Variants in JAZF1 observed in about 807,000 individuals in gnomAD.
The protein encoded by JAZF1 is JAZF zinc finger 1, also known as juxtaposed with another zinc finger protein 1.
A neutral mutation model predicts 26.4 loss-of-function variants in JAZF1; 8 were observed. The ratio of observed to expected loss-of-function variants is 0.30; its 90% CI spans 0.18 to 0.55. The LOEUF (loss-of-function observed/expected upper bound fraction) is 0.55, where lower values mean the gene tolerates loss of function less well. JAZF1 is among the 20% of genes least tolerant of loss of function. JAZF1 has a pLI of 0.94. For missense variants in JAZF1, 199 were observed against 322.0 expected (o/e 0.62, Z 2.92); for synonymous variants, 126 against 122.3 (o/e 1.03, Z -0.20).
At chr7:27,858,992 C>T (rs1783326091) in intron 3 of JAZF1, among the ~76,000 whole-genome samples, 1 of 151,956 alleles carries the variant, frequency 6.6e-6, no homozygotes, top group African/African-American at 2.4e-5. Flanking sequence ...TGACAAAGGG[C>T]TAATATCCAG....
At chr7:28,162,339 G>A (rs374641342) in intron 1 of JAZF1, among the ~76,000 whole-genome samples, 2 of 152,218 alleles carry the variant, frequency 1.3e-5, no homozygotes, top group African/African-American at 2.4e-5. Context: ...TATTGTATGT[G>A]TACTCCTCCA....
At chr7:27,852,193 G>A (rs1225882183) in intron 3 of JAZF1, among the ~76,000 whole-genome samples, 2 of 151,410 alleles carry the variant, frequency 1.3e-5, no homozygotes, top group Admixed American at 1.3e-4. Context: ...GTGCAGTGGA[G>A]CGATCTGAGC....
rs539416314 is a variant in JAZF1, at chr7:27,835,206, T to C, written c.556-2230A>G. On this transcript the variant is annotated intron_variant, in intron 4 of 4. Coordinates refer to ENST00000283928, the MANE Select transcript of JAZF1 (RefSeq NM_175061.4). ...GAGGAAACCAAAAATAGAAAAGCAT[T>C]AACCAAGAAACAAAAAGGCACAGCA... is the stretch of plus-strand genomic sequence containing the variant. Among the ~76,000 whole-genome samples the C allele has an allele frequency of 2.6e-5, 4 of 152,146 alleles. No individual in the cohort carries two copies. In the South Asian group the frequency reaches 6.2e-4, roughly 24 times the overall value.
intron 2 of JAZF1, among the ~76,000 whole-genome samples, chr7:27,928,557 G>C (rs1391639810): frequency 6.6e-6 from 1 of 152,072 alleles, no homozygotes; most frequent in East Asian, 1.9e-4. Context: ...TCTTTGTTTT[G>C]TTCTTTGCTA....
intron 3 of JAZF1, among the ~76,000 whole-genome samples, chr7:27,889,795 T>C (rs551116861): frequency 1.2e-4 from 18 of 152,068 alleles, no homozygotes; most frequent in African/African-American, 4.1e-4. Flanking sequence ...AGCTGGGTGG[T>C]GTTGATGCGC....
At chr7:28,176,353 G>A (rs903813453) in intron 1 of JAZF1, among the ~76,000 whole-genome samples, 6 of 152,202 alleles carry the variant, frequency 3.9e-5, no homozygotes, top group South Asian at 2.1e-4. Context: ...AGTGCTGCAG[G>A]CCTGCCTTGG....
chr7:27,961,166 G>A (rs941194823), intron 2 of JAZF1, among the ~76,000 whole-genome samples: 4 of 152,156 alleles, frequency 2.6e-5, no homozygotes, highest in South Asian at 2.1e-4. Flanking sequence ...TATAACAGTC[G>A]TTAGGGTAGC....
At chr7:27,899,571 A>T (rs1189950610) in intron 2 of JAZF1, among the ~76,000 whole-genome samples, 8 of 152,030 alleles carry the variant, frequency 5.3e-5, no homozygotes, top group South Asian at 2.1e-4. Context: ...AGTAGCTGAG[A>T]CTACAGGCAC....
At chr7:28,055,558 A>C (rs939091326) in intron 1 of JAZF1, among the ~76,000 whole-genome samples, 3 of 152,184 alleles carry the variant, frequency 2.0e-5, no homozygotes, top group African/African-American at 4.8e-5. Context: ...CTCCAAATGA[A>C]TACTCTAATA....
At chr7:27,871,771 G>A (rs1034953271) in intron 3 of JAZF1, among the ~76,000 whole-genome samples, 1 of 152,174 alleles carries the variant, frequency 6.6e-6, no homozygotes, top group African/African-American at 2.4e-5. Flanking sequence ...CTTTTGGGGT[G>A]GGTTCTAGAA....
intron 2 of JAZF1, among the ~76,000 whole-genome samples, chr7:27,945,943 A>T (rs1784919372): frequency 6.6e-6 from 1 of 152,350 alleles, no homozygotes; most frequent in South Asian, 2.1e-4. Flanking sequence ...AGTAATACAC[A>T]TTCAATAGAA....
chr7:27,870,627 G>A (rs1372550020), intron 3 of JAZF1, among the ~76,000 whole-genome samples: 1 of 152,022 alleles, frequency 6.6e-6, no homozygotes. Context: ...CTGGGGAGGG[G>A]GTGACCTGTC....
At chr7:28,007,271 C>T (rs1281144932) in intron 1 of JAZF1, among the ~76,000 whole-genome samples, 1 of 152,158 alleles carries the variant, frequency 6.6e-6, no homozygotes, top group Non-Finnish European at 1.5e-5. Flanking sequence ...AGTTCGAGAC[C>T]AGTCTGGCCA....
chr7:27,870,955 C>T (rs1297196648), intron 3 of JAZF1, among the ~76,000 whole-genome samples: 5 of 152,168 alleles, frequency 3.3e-5, no homozygotes, highest in Admixed American at 2.0e-4. Flanking sequence ...GTTAGCAATG[C>T]TTCCTGGATG....
chr7:28,041,544 C>T lies in JAZF1; in HGVS notation c.116-49563G>A, dbSNP rs145870269. Among the ~76,000 whole-genome samples, 430 of 152,198 alleles carry T rather than the reference C, an allele frequency of 2.8e-3. 2 individuals carry two copies. The highest frequency in any genetic ancestry group is 9.9e-3 in the African/African-American group (412 of 41,534). ...CTTCCAGAAGCCAGTGAGATATCAC[C>T]GCTTCTTGTGCCTCTTTACTTTCCA... On this transcript the variant is annotated intron_variant, in intron 1 of 4. Transcript: ENST00000283928.
At chr7:27,907,001 T>C (rs1468149795) in intron 2 of JAZF1, among the ~76,000 whole-genome samples, 1 of 152,220 alleles carries the variant, frequency 6.6e-6, no homozygotes, top group East Asian at 1.9e-4. Flanking sequence ...GCTAATGAGA[T>C]GATGCGTAAC....
chr7:28,153,933 C>G (rs1783144873), intron 1 of JAZF1, among the ~76,000 whole-genome samples: 1 of 152,078 alleles, frequency 6.6e-6, no homozygotes, highest in South Asian at 2.1e-4. Context: ...CTACCCCCTC[C>G]CCCTGGAACA....
At chr7:27,913,982 G>A (rs1282556482) in intron 2 of JAZF1, among the ~76,000 whole-genome samples, 4 of 152,152 alleles carry the variant, frequency 2.6e-5, no homozygotes, top group Admixed American at 1.3e-4. Flanking sequence ...AGTTCTGAAA[G>A]CACGTAAGGT....
chr7:28,025,638 A>G (rs1783082403), intron 1 of JAZF1, among the ~76,000 whole-genome samples: 1 of 152,238 alleles, frequency 6.6e-6, no homozygotes, highest in Non-Finnish European at 1.5e-5. Flanking sequence ...TGGTCAAGAA[A>G]CCAATCAGGG....
Sources: allele counts gnomAD v4.1 joint callset (sites outside exome capture counted in the v4.1 genomes callset), GRCh38; gene constraint gnomAD v4.1.1; transcripts MANE v1.5; gene names NCBI Gene and HGNC (gene_info 2026-07-23, HGNC 2026-07-21).